The following UST variants were observed in gnomAD, a reference collection of about 807,000 sequenced individuals.
The protein encoded by UST is uronyl 2-sulfotransferase, also known as chondroitin sulfate 2-O-sulfotransferase.
UST carries 21 observed loss-of-function variants against 45.6 expected under a neutral mutation model. That is an observed-to-expected ratio of 0.46 (90% CI 0.33 to 0.66). The LOEUF (loss-of-function observed/expected upper bound fraction) is 0.66, where lower values mean the gene tolerates loss of function less well. Ranked by LOEUF, UST falls within the 30% of genes least tolerant of loss-of-function variation. UST has a pLI of 0.02. For synonymous variants in UST, 215 were observed against 200.6 expected, an observed-to-expected ratio of 1.07 and a Z score of -0.61; for missense variants, 463 against 512.4, an observed-to-expected ratio of 0.90 and a Z score of 0.93.
chr6:148,760,745 A>AAAAC (rs1562559346), intron 1 of UST, among the ~76,000 whole-genome samples: 2 of 151,766 alleles, frequency 1.3e-5, no homozygotes, highest in East Asian at 1.9e-4. Context: ...ACAAAAAAAA[A>AAAAC]CCACAAACAT....
intron 2 of UST, among the ~76,000 whole-genome samples, chr6:148,888,338 C>T (rs772114621): frequency 2.0e-5 from 3 of 152,234 alleles, no homozygotes; most frequent in East Asian, 3.9e-4. Context: ...CAGGCCACTC[C>T]GACACTGGGG....
At chr6:148,985,850 A>G (rs1455966975) in intron 5 of UST, among the ~76,000 whole-genome samples, 1 of 152,184 alleles carries the variant, frequency 6.6e-6, no homozygotes, top group Non-Finnish European at 1.5e-5. Flanking sequence ...CACAACCTAA[A>G]GGGCTTCTTC....
At chr6:148,992,309 C>G (rs1293485777) in intron 5 of UST, among the ~76,000 whole-genome samples, 1 of 152,106 alleles carries the variant, frequency 6.6e-6, no homozygotes. Flanking sequence ...TCGAGACCAT[C>G]CTGGCCAACA....
rs1776820325 is a variant in UST, at chr6:148,790,378, G to C, written c.247+42701G>C. ...ATCCTTCACTATATTTGCTGTTTCTGGAATAGTAGAGACCACAAGGTTCTG... is the reference window on the plus strand; with the variant it reads ...ATCCTTCACTATATTTGCTGTTTCTCGAATAGTAGAGACCACAAGGTTCTG... On this transcript the variant is annotated intron_variant, in intron 1 of 7. Coordinates refer to ENST00000367463, the MANE Select transcript of UST (RefSeq NM_005715.3). The surrounding 1 kb of genome is among the most constrained non-coding windows in gnomAD (Gnocchi z 4.2). 1.3e-5 allele frequency among the ~76,000 whole-genome samples: 2 copies of C among 152,172 alleles called. No individual in the cohort carries two copies.
chr6:148,903,302 C>T (rs74706943), intron 2 of UST, among the ~76,000 whole-genome samples: 479 of 152,126 alleles, frequency 3.1e-3, no homozygotes, highest in Non-Finnish European at 4.7e-3. Context: ...AGGACATGTA[C>T]CTATTTAGTT....
At chr6:148,799,223 A>T (rs189692044) in intron 1 of UST, among the ~76,000 whole-genome samples, 5 of 152,240 alleles carry the variant, frequency 3.3e-5, no homozygotes, top group Admixed American at 1.3e-4. Context: ...TGGATAATAG[A>T]GGGAAGGTGG....
chr6:148,776,606 C>G (rs1776539967), intron 1 of UST, among the ~76,000 whole-genome samples: 1 of 152,168 alleles, frequency 6.6e-6, no homozygotes, highest in Non-Finnish European at 1.5e-5. Context: ...TAAGGCCTTA[C>G]TTATCTGGAA....
At chr6:148,888,296 A>T (rs1161666712) in intron 2 of UST, among the ~76,000 whole-genome samples, 1 of 152,114 alleles carries the variant, frequency 6.6e-6, no homozygotes, top group Non-Finnish European at 1.5e-5. Flanking sequence ...TAAACCCTGA[A>T]AATCCACCCT....
intron 1 of UST, among the ~76,000 whole-genome samples, chr6:148,754,285 C>G (rs140403830): frequency 6.6e-6 from 1 of 152,136 alleles, no homozygotes; most frequent in Non-Finnish European, 1.5e-5. Flanking sequence ...CATGAGCCAC[C>G]GCGCCCGGCC....
intron 1 of UST, among the ~76,000 whole-genome samples, chr6:148,835,875 T>C (rs1216816899): frequency 1.3e-5 from 2 of 152,220 alleles, no homozygotes; most frequent in Non-Finnish European, 2.9e-5. Flanking sequence ...TAAAAAGGGA[T>C]GTTAGAAACT....
At chr6:149,055,396 C>G (rs1776547947) in intron 7 of UST, among the ~76,000 whole-genome samples, 1 of 152,110 alleles carries the variant, frequency 6.6e-6, no homozygotes, top group South Asian at 2.1e-4. Context: ...TCATTTCATG[C>G]CCCAATAAAA....
At chr6:148,931,036 C>T (rs1365892832) in intron 2 of UST, among the ~76,000 whole-genome samples, 1 of 152,186 alleles carries the variant, frequency 6.6e-6, no homozygotes, top group Non-Finnish European at 1.5e-5. Context: ...GGCTGTTTCC[C>T]CAGCCTTTAT....
At chr6:148,908,194 A>G (rs1779404766) in intron 2 of UST, among the ~76,000 whole-genome samples, 1 of 152,136 alleles carries the variant, frequency 6.6e-6, no homozygotes, top group African/African-American at 2.4e-5. Flanking sequence ...ATTTGGCTCG[A>G]GTCAAATCAA....
At chr6:148,852,928 C>T (rs1332838116) in intron 1 of UST, among the ~76,000 whole-genome samples, 1 of 152,166 alleles carries the variant, frequency 6.6e-6, no homozygotes, top group Non-Finnish European at 1.5e-5. Flanking sequence ...TTAGTAAATA[C>T]CTGTTGAATG....
At chr6:149,025,026 C>T (rs1313138862) in intron 7 of UST, among the ~76,000 whole-genome samples, 2 of 152,062 alleles carry the variant, frequency 1.3e-5, no homozygotes, top group African/African-American at 4.8e-5. Flanking sequence ...ATACCAGTCT[C>T]ATTACAGAAG....
At chr6:149,033,118 T>C (rs1419359611) in intron 7 of UST, among the ~76,000 whole-genome samples, 1 of 152,206 alleles carries the variant, frequency 6.6e-6, no homozygotes, top group Non-Finnish European at 1.5e-5. Context: ...AAAAACGACC[T>C]TGTGGTCAGT....
chr6:148,885,035 A>G (rs1380863721), intron 1 of UST, among the ~76,000 whole-genome samples: 1 of 152,160 alleles, frequency 6.6e-6, no homozygotes, highest in Admixed American at 6.5e-5. Flanking sequence ...GGACAGGGGA[A>G]GTGTGAGATG....
In UST at chr6:148,887,019, C is replaced by T. The variant is rs200067873; in HGVS notation, c.281C>T (p.Pro94Leu). The T allele has an allele frequency of 6.8e-6, 11 of 1,612,780 alleles. No individual in the cohort carries two copies. In the East Asian group the frequency reaches 1.3e-4, roughly 20 times the overall value. The stretch of plus-strand genomic sequence containing the variant: ...ACTTACTTGGATGACCATGGACCAC[C>T]TCCTAGTAAGGTAAGATCTTTGCTT... ...NSTYLDDHGPPPSKVLPFPSQ... is the reference protein window; with the variant it reads ...NSTYLDDHGPLPSKVLPFPSQ... The change falls in exon 2 of 8, where the codon CCT becomes CTT. Residue 94 changes from proline to leucine, a missense_variant. Physicochemically the swap from Pro to Leu is moderately conservative, Grantham distance 98. This residue lies in a region of UST where 176 missense variants were observed against 138.3 expected (regional missense o/e 1.27). Transcript: ENST00000367463.
intron 1 of UST, among the ~76,000 whole-genome samples, chr6:148,799,317 G>C (rs532385104): frequency 1.3e-5 from 2 of 152,316 alleles, no homozygotes; most frequent in East Asian, 3.9e-4. Flanking sequence ...GGAGTTATTT[G>C]CTTACAAGTT....
Sources: allele counts gnomAD v4.1 joint callset (sites outside exome capture counted in the v4.1 genomes callset), GRCh38; gene constraint gnomAD v4.1.1; regional missense constraint gnomAD v4.1.1; non-coding constraint Gnocchi (gnomAD v3.1); transcripts MANE v1.5; gene names NCBI Gene and HGNC (gene_info 2026-07-23, HGNC 2026-07-21).